Variants in FRAS1 observed in about 807,000 individuals in gnomAD.
FRAS1 encodes extracellular matrix organizing protein FRAS1.
FRAS1 carries 290 observed loss-of-function variants against 435.2 expected under a neutral mutation model. The observed-to-expected ratio is 0.67, with a 90% CI of 0.61 to 0.73. The LOEUF (loss-of-function observed/expected upper bound fraction) is 0.73. Among genes scored for constraint, FRAS1 ranks in the 30% least tolerant of loss-of-function variants. The pLI is 0.00. For synonymous variants in FRAS1, 1,800 were observed against 1,851.0 expected (o/e 0.97, Z 0.71); for missense variants, 4,860 against 5,001.5 (o/e 0.97, Z 0.85).
At chr4:78,470,954 G>A (rs76002571) in intron 51 of FRAS1, among the ~76,000 whole-genome samples, 1,811 of 152,228 alleles carry the variant, frequency 0.012, 32 homozygotes, top group African/African-American at 0.042. Context: ...TGGGAGGCTG[G>A]GAAATAGCAT....
intron 26 of FRAS1, 86 bp downstream of exon 26, chr4:78,375,965 G>A (rs1578283767): frequency 1.4e-6 from 2 of 1,467,122 alleles, no homozygotes; most frequent in East Asian, 2.3e-5. Flanking sequence ...ATTGACTTAT[G>A]TGATATAAAA....
At chr4:78,088,687 A>G (rs1359365022) in intron 2 of FRAS1, among the ~76,000 whole-genome samples, 3 of 152,192 alleles carry the variant, frequency 2.0e-5, no homozygotes, top group African/African-American at 4.8e-5. Flanking sequence ...AATGCTCATC[A>G]TCACTGGCCA....
chr4:78,501,139 C>G (rs1441675421), intron 61 of FRAS1, among the ~76,000 whole-genome samples: 1 of 152,130 alleles, frequency 6.6e-6, no homozygotes, highest in East Asian at 1.9e-4. Flanking sequence ...CCAACAGGCC[C>G]CATTGTGTGA....
At chr4:78,532,905 A>C (rs13121407) in intron 70 of FRAS1, among the ~76,000 whole-genome samples, 143,789 of 152,172 alleles carry the variant, frequency 0.94, 68,436 homozygotes, top group East Asian at 1. Context: ...CTGGTTGTTT[A>C]CAAATCTTAA....
intron 22 of FRAS1, among the ~76,000 whole-genome samples, chr4:78,368,144 C>CAA (rs11413001): frequency 1.1e-3 from 158 of 147,462 alleles, no homozygotes; most frequent in East Asian, 9.4e-3. Flanking sequence ...AAAATTCTAG[C>CAA]AAAAAAAAAG....
Position 78,344,398 on chromosome 4 carries a change from C to T in FRAS1, c.2422+6581C>T, listed in dbSNP as rs145748224. Among the ~76,000 whole-genome samples the T allele has an allele frequency of 6.9e-4, 102 of 148,444 alleles. 1 individual carries two copies. The Middle Eastern group carries it at 0.028, about 40-fold the overall frequency. The stretch of plus-strand genomic sequence containing the variant: ...ATGTAAGGAGACTGAAACTGTCTAA[C>T]AGAGGTTAAGTACCGACTCCAAATG... On this transcript the variant is annotated intron_variant, in intron 20 of 73. Coordinates refer to ENST00000512123, the MANE Select transcript of FRAS1 (RefSeq NM_025074.7).
intron 52 of FRAS1, 39 bp downstream of exon 52, chr4:78,472,369 A>G: frequency 1.3e-6 from 2 of 1,528,568 alleles, no homozygotes; most frequent in African/African-American, 1.4e-5. Flanking sequence ...GGAGAAATCT[A>G]TGCTAATGTC....
chr4:78,092,525 C>G (rs1741586065), intron 2 of FRAS1, among the ~76,000 whole-genome samples: 1 of 152,178 alleles, frequency 6.6e-6, no homozygotes, highest in South Asian at 2.1e-4. Context: ...GTCACTATCA[C>G]AGACGCGAAC....
At chr4:78,160,797 G>A (rs965485120) in intron 2 of FRAS1, among the ~76,000 whole-genome samples, 2 of 151,952 alleles carry the variant, frequency 1.3e-5, no homozygotes. Flanking sequence ...ATGACTTATT[G>A]TGCTACCCAG....
chr4:78,173,048 C>T (rs1215360072), intron 2 of FRAS1, among the ~76,000 whole-genome samples: 2 of 151,598 alleles, frequency 1.3e-5, no homozygotes, highest in Non-Finnish European at 2.9e-5. Flanking sequence ...TCTTTGTCCA[C>T]AGCTCAGGTG....
chr4:78,359,886 G>T (rs1731008964), intron 20 of FRAS1, among the ~76,000 whole-genome samples: 1 of 152,010 alleles, frequency 6.6e-6, no homozygotes, highest in Non-Finnish European at 1.5e-5. Flanking sequence ...ATATGTTTGG[G>T]GACTGATCTG....
intron 14 of FRAS1, among the ~76,000 whole-genome samples, chr4:78,303,842 T>C (rs1728555629): frequency 6.7e-6 from 1 of 149,668 alleles, no homozygotes; most frequent in Non-Finnish European, 1.5e-5. Context: ...TTGAATACCC[T>C]TTATTTCCTT....
At chr4:78,539,486 A>C in intron 73 of FRAS1, 46 bp downstream of exon 73, 3 of 1,386,432 alleles carry the variant, frequency 2.2e-6, no homozygotes, top group Non-Finnish European at 2.9e-6. Flanking sequence ...AGTCTACTTT[A>C]AAGCTTGAAA....
intron 20 of FRAS1, among the ~76,000 whole-genome samples, chr4:78,359,474 T>C (rs1470156502): frequency 2.6e-5 from 4 of 152,192 alleles, no homozygotes; most frequent in African/African-American, 9.7e-5. Context: ...ATTATTCTTT[T>C]TGGCTTGATT....
chr4:78,320,095 G>C (rs1183115905), intron 18 of FRAS1, among the ~76,000 whole-genome samples: 2 of 152,214 alleles, frequency 1.3e-5, no homozygotes, highest in Admixed American at 1.3e-4. Context: ...CCTGGAACAT[G>C]ATGGGGAATC....
intron 26 of FRAS1, chr4:78,379,073 C>A (rs1196706513): frequency 6.6e-6 from 1 of 152,194 alleles, no homozygotes; most frequent in African/African-American, 2.4e-5. Context: ...TATACCATAG[C>A]CCAGAATTTC....
At chr4:78,216,361 T>G (rs1208629160) in intron 2 of FRAS1, among the ~76,000 whole-genome samples, 3 of 152,230 alleles carry the variant, frequency 2.0e-5, no homozygotes, top group Non-Finnish European at 1.5e-5. Context: ...CCCATATCTC[T>G]TTTGCTGCAT....
chr4:78,148,392 G>A (rs1720504429), intron 2 of FRAS1, among the ~76,000 whole-genome samples: 1 of 152,142 alleles, frequency 6.6e-6, no homozygotes, highest in Non-Finnish European at 1.5e-5. Flanking sequence ...AAACTACATT[G>A]TATAATAAAA....
chr4:78,273,327 C>G (rs182670167), intron 9 of FRAS1, among the ~76,000 whole-genome samples: 177 of 152,238 alleles, frequency 1.2e-3, no homozygotes, highest in Non-Finnish European at 2.0e-3. Flanking sequence ...CATGATTGCC[C>G]TGGTCAGAAC....
Sources: gnomAD v4.1 joint callset for allele counts (sites outside exome capture counted in the v4.1 genomes callset) on GRCh38, gnomAD v4.1.1 for gene constraint, MANE v1.5 for transcripts, NCBI Gene and HGNC (gene_info 2026-07-23, HGNC 2026-07-21) for gene names.